TRPM3: variants seen among roughly 807,000 people sequenced by gnomAD.
TRPM3 encodes the protein transient receptor potential cation channel subfamily M member 3.
A neutral mutation model predicts 181.2 loss-of-function variants in TRPM3; 77 were observed. The observed-to-expected ratio is 0.42, with a 90% CI of 0.35 to 0.51. The LOEUF is 0.51. TRPM3 is among the 20% of genes least tolerant of loss of function. TRPM3 has a pLI of 0.01. For missense variants in TRPM3, 1,759 were observed against 2,196.7 expected, an observed-to-expected ratio of 0.80 and a Z score of 3.98; for synonymous variants, 745 against 796.4, an observed-to-expected ratio of 0.94 and a Z score of 1.09.
chr9:70,804,043 T>C (rs752107119), intron 6 of TRPM3, among the ~76,000 whole-genome samples: 2 of 152,012 alleles, frequency 1.3e-5, no homozygotes, highest in African/African-American at 2.4e-5. Flanking sequence ...CAAAATGTAC[T>C]GTTCTGGCCA....
intron 25 of TRPM3, among the ~76,000 whole-genome samples, chr9:70,541,042 GA>G (rs1265575185): frequency 2.6e-5 from 4 of 152,188 alleles, no homozygotes; most frequent in Non-Finnish European, 5.9e-5. Context: ...TCCAGAATCA[GA>G]ACCTGGTTGC....
intron 9 of TRPM3, among the ~76,000 whole-genome samples, chr9:70,647,243 G>GA (rs1395603557): frequency 1.3e-5 from 2 of 151,126 alleles, no homozygotes; most frequent in African/African-American, 4.9e-5. Context: ...TGAAAAAAAA[G>GA]AAAACTTCAG....
intron 1 of TRPM3, among the ~76,000 whole-genome samples, chr9:70,920,943 G>A (rs1334215353): frequency 1.4e-5 from 2 of 147,376 alleles, no homozygotes; most frequent in African/African-American, 2.7e-5. Context: ...CTACTGACCA[G>A]AGGAATGTTG....
intron 1 of TRPM3, among the ~76,000 whole-genome samples, chr9:71,098,909 G>A (rs2067794697): frequency 6.6e-6 from 1 of 152,012 alleles, no homozygotes; most frequent in Non-Finnish European, 1.5e-5. Context: ...TGCCTCCCTA[G>A]GCATTGCTAC....
At chr9:70,662,729 T>C (rs528105240) in intron 9 of TRPM3, among the ~76,000 whole-genome samples, 1 of 149,968 alleles carries the variant, frequency 6.7e-6, no homozygotes, top group African/African-American at 2.5e-5. Flanking sequence ...ATAATTAAAA[T>C]GTCAAAGAAC....
At chr9:70,773,344 T>C (rs2080711868) in intron 7 of TRPM3, among the ~76,000 whole-genome samples, 1 of 152,164 alleles carries the variant, frequency 6.6e-6, no homozygotes, top group South Asian at 2.1e-4. Context: ...TTTCCTCATT[T>C]ATAAAATAGG....
chr9:71,420,998 AAAG>A lies in TRPM3; in HGVS notation c.183+25652_183+25654del, dbSNP rs370221745. 6.0e-4 allele frequency among the ~76,000 whole-genome samples: 60 copies of A among 99,516 alleles called. 1 individual carries two copies. The highest frequency in any genetic ancestry group is 8.4e-4 in the East Asian group (4 of 4,752). The allele number at this position is 99,516 out of a possible 152,430, so 65.3% of individuals were successfully genotyped here. A position where few individuals can be genotyped will look rare whatever the true frequency, so the allele number is the denominator to read the frequency against. On this transcript the variant is annotated intron_variant, in intron 1 of 24. Transcript: ENST00000357533. ...AAAAGAGAGAGAAAAAGAGAGAGAA[AAAG>A]AGAGAAAAAGAGAGAAAAAGAGAGA...
At chr9:70,673,697 G>A (rs2063409799) in intron 9 of TRPM3, among the ~76,000 whole-genome samples, 2 of 152,030 alleles carry the variant, frequency 1.3e-5, no homozygotes, top group African/African-American at 4.8e-5. Flanking sequence ...GGGAGGCCGA[G>A]GCACATAGAT....
intron 1 of TRPM3, among the ~76,000 whole-genome samples, chr9:71,257,011 A>G (rs1311562051): frequency 6.6e-6 from 1 of 152,210 alleles, no homozygotes; most frequent in Admixed American, 6.5e-5. Context: ...GAACCCTAAC[A>G]TGGTTAAGCC....
At chr9:71,172,531 C>T (rs116082641) in intron 1 of TRPM3, among the ~76,000 whole-genome samples, 3 of 152,064 alleles carry the variant, frequency 2.0e-5, no homozygotes, top group African/African-American at 7.2e-5. Context: ...TTTAGCCTCT[C>T]GAGTAACTGG....
chr9:70,875,676 T>G (rs1176912658), intron 1 of TRPM3, among the ~76,000 whole-genome samples: 1 of 151,940 alleles, frequency 6.6e-6, no homozygotes, highest in Non-Finnish European at 1.5e-5. Flanking sequence ...CCCTACTAAA[T>G]GATAAATCAA....
intron 1 of TRPM3, among the ~76,000 whole-genome samples, chr9:70,905,576 C>G (rs1235945396): frequency 6.6e-6 from 1 of 152,064 alleles, no homozygotes; most frequent in African/African-American, 2.4e-5. Flanking sequence ...ACTGTATAGA[C>G]AGGCCAACAA....
chr9:70,981,362 T>C (rs2097362057), intron 1 of TRPM3, among the ~76,000 whole-genome samples: 1 of 152,228 alleles, frequency 6.6e-6, no homozygotes, highest in South Asian at 2.1e-4. Flanking sequence ...TGGAAGCACA[T>C]GATTAGCTCA....
At chr9:70,552,516 T>C (rs2046712152) in intron 24 of TRPM3, among the ~76,000 whole-genome samples, 1 of 152,194 alleles carries the variant, frequency 6.6e-6, no homozygotes, top group Non-Finnish European at 1.5e-5. Flanking sequence ...ATTAATATCA[T>C]TGATGTATTT....
At chr9:70,864,601 A>G in intron 1 of TRPM3, 90 bp from the exon 2 acceptor site, 6 of 849,080 alleles carry the variant, frequency 7.1e-6, no homozygotes, top group Non-Finnish European at 1.0e-5. Context: ...GCAAAATTTC[A>G]TAATCACATA....
chr9:70,936,467 A>G (rs2096829549), intron 1 of TRPM3, among the ~76,000 whole-genome samples: 1 of 152,206 alleles, frequency 6.6e-6, no homozygotes, highest in Non-Finnish European at 1.5e-5. Context: ...GAATAAGATA[A>G]AAAATTCAGG....
Position 70,536,808 on chromosome 9 carries a change from G to T in TRPM3, c.4305C>A (p.Ile1435=), listed in dbSNP as rs1363229846. ...DIDPLDNSVN[I]LGLGEPSFST... is the part of the protein sequence containing the mutation. ...AAAAGCTTGGCTCGCCCAGCCCAAG[G>T]ATGTTCACGGAATTGTCCAGAGGGT... The change falls in exon 26 of 26, where the codon ATC becomes ATA. Residue 1435 remains isoleucine, a synonymous_variant. Coordinates refer to ENST00000677713, the MANE Select transcript of TRPM3 (RefSeq NM_001366145.2). 1 of 1,614,074 alleles carries T rather than the reference G, an allele frequency of 6.2e-7. No homozygotes were observed. Among genetic ancestry groups the T allele is most frequent in the Non-Finnish European group, 8.5e-7 (1 of 1,180,054 alleles).
chr9:70,882,170 G>T (rs2096005586), intron 1 of TRPM3, among the ~76,000 whole-genome samples: 1 of 152,096 alleles, frequency 6.6e-6, no homozygotes, highest in Non-Finnish European at 1.5e-5. Context: ...CTCAGCCCAA[G>T]TTAGTCTACC....
At chr9:71,374,173 C>T (rs988498054) in intron 1 of TRPM3, among the ~76,000 whole-genome samples, 1 of 152,036 alleles carries the variant, frequency 6.6e-6, no homozygotes, top group Non-Finnish European at 1.5e-5. Flanking sequence ...GTCAGGAGTT[C>T]GAGACCAGCC....
Sources: gnomAD v4.1 joint callset for allele counts (sites outside exome capture counted in the v4.1 genomes callset) on GRCh38, gnomAD v4.1.1 for gene constraint, MANE v1.5 for transcripts, NCBI Gene and HGNC (gene_info 2026-07-23, HGNC 2026-07-21) for gene names.